The following BTRC variants were observed in gnomAD, a reference collection of about 807,000 sequenced individuals.
BTRC encodes beta-transducin repeat containing E3 ubiquitin protein ligase, also known as F-box/WD repeat-containing protein 1A.
Under a neutral mutation model 85.5 loss-of-function variants are expected in BTRC, and 42 were observed. That is an observed-to-expected ratio of 0.49 (90% CI 0.38 to 0.64). The LOEUF (loss-of-function observed/expected upper bound fraction) is 0.64. Ranked by LOEUF, BTRC falls within the 30% of genes least tolerant of loss-of-function variation. The pLI is 0.00. For synonymous variants in BTRC, 255 were observed against 263.3 expected, an observed-to-expected ratio of 0.97 and a Z score of 0.30; for missense variants, 594 against 743.5, an observed-to-expected ratio of 0.80 and a Z score of 2.34.
chr10:101,527,504 A>G (rs979683590), intron 6 of BTRC, among the ~76,000 whole-genome samples: 6 of 152,170 alleles, frequency 3.9e-5, no homozygotes, highest in African/African-American at 1.2e-4. Context: ...TGTAATCCCA[A>G]CAGTTTTGGA....
chr10:101,359,253 T>C (rs529213052), intron 1 of BTRC, among the ~76,000 whole-genome samples: 1 of 152,326 alleles, frequency 6.6e-6, no homozygotes, highest in East Asian at 1.9e-4. Context: ...ATCAGTGAAA[T>C]TGATTACCAG....
intron 1 of BTRC, among the ~76,000 whole-genome samples, chr10:101,418,184 T>A (rs1479446926): frequency 2.6e-5 from 4 of 152,028 alleles, no homozygotes; most frequent in African/African-American, 9.7e-5. Context: ...CTGGCCAATA[T>A]GGTGAAACTC....
At chr10:101,506,050 A>T (rs1189056841) in intron 4 of BTRC, among the ~76,000 whole-genome samples, 1 of 151,978 alleles carries the variant, frequency 6.6e-6, no homozygotes, top group African/African-American at 2.4e-5. Context: ...ATTAGCTGGG[A>T]CTACCGGTGC....
intron 4 of BTRC, among the ~76,000 whole-genome samples, chr10:101,512,884 G>C (rs1397654043): frequency 6.6e-6 from 1 of 152,148 alleles, no homozygotes; most frequent in African/African-American, 2.4e-5. Context: ...GTGCAGGGGT[G>C]GCAGAAATTT....
intron 4 of BTRC, among the ~76,000 whole-genome samples, chr10:101,504,742 C>T (rs1259000797): frequency 1.3e-5 from 2 of 151,100 alleles, no homozygotes; most frequent in Non-Finnish European, 2.9e-5. Flanking sequence ...CTCCTCTTTC[C>T]TCCCCTCCTT....
At chr10:101,515,469 A>C (rs1175033818) in intron 4 of BTRC, among the ~76,000 whole-genome samples, 1 of 151,916 alleles carries the variant, frequency 6.6e-6, no homozygotes, top group East Asian at 1.9e-4. Context: ...TTCCCTCAGC[A>C]ATGTTTTATA....
intron 1 of BTRC, among the ~76,000 whole-genome samples, chr10:101,359,091 C>A (rs980234791): frequency 6.7e-6 from 1 of 149,428 alleles, no homozygotes; most frequent in Admixed American, 6.6e-5. Context: ...TCCTGCGTGA[C>A]TTCCCTTAAT....
chr10:101,373,784 G>C (rs1291508989), intron 1 of BTRC, among the ~76,000 whole-genome samples: 1 of 152,080 alleles, frequency 6.6e-6, no homozygotes, highest in East Asian at 1.9e-4. Flanking sequence ...CAGGCATGGT[G>C]GTGGGCGCCT....
At chr10:101,524,244 T>A (rs1268934071) in intron 5 of BTRC, among the ~76,000 whole-genome samples, 1 of 152,196 alleles carries the variant, frequency 6.6e-6, no homozygotes, top group African/African-American at 2.4e-5. Context: ...TCTTTACTCA[T>A]TGGATTTTGT....
At chr10:101,499,882 TA>T (rs1392895053) in intron 4 of BTRC, among the ~76,000 whole-genome samples, 2 of 151,972 alleles carry the variant, frequency 1.3e-5, no homozygotes, top group African/African-American at 4.8e-5. Flanking sequence ...TTACAATAGC[TA>T]GTATGCCACC....
intron 9 of BTRC, 95 bp from the exon 10 acceptor site, chr10:101,534,562 CCTCT>C: frequency 6.8e-7 from 1 of 1,473,770 alleles, no homozygotes; most frequent in Non-Finnish European, 9.3e-7. Flanking sequence ...CCAGTCTGGC[CCTCT>C]CTCTAAATAT....
In BTRC at chr10:101,550,763, A is replaced by G. The variant is rs760470937; in HGVS notation, c.1721A>G (p.Asp574Gly). The G allele has an allele frequency of 6.2e-7, 1 of 1,613,950 alleles. No individual in the cohort carries two copies. The highest frequency in any genetic ancestry group is 8.5e-7 in the Non-Finnish European group (1 of 1,179,904). Reference sequence around the variant, plus strand: ...TTCCAGATTGTCAGTAGTTCACATGATGACACAATCCTCATCTGGGACTTC... The same window carrying G: ...TTCCAGATTGTCAGTAGTTCACATGGTGACACAATCCTCATCTGGGACTTC... ...DEFQIVSSSH[D>G]DTILIWDFLN... The change falls in exon 14 of 15, where the codon GAT becomes GGT. Residue 574 changes from aspartate (D) to glycine (G), a missense_variant. Asp to Gly is a moderately conservative substitution (Grantham distance 94, BLOSUM62 -1). Coordinates refer to ENST00000370187, the MANE Select transcript of BTRC (RefSeq NM_033637.4).
rs565479856 is a variant in BTRC, at chr10:101,374,746, A to G, written c.48+20518A>G. Among the ~76,000 whole-genome samples, 41 of 151,418 alleles carry G rather than the reference A, an allele frequency of 2.7e-4. No homozygotes were observed. In the South Asian group the frequency reaches 8.0e-3, roughly 30 times the overall value. ...ATGTATACATATGTATGTAACCTGC[A>G]CAATGTGCACATGTACCCTAAAACT... On this transcript the variant is annotated intron_variant, in intron 1 of 14. Transcript: ENST00000370187.
intron 4 of BTRC, among the ~76,000 whole-genome samples, chr10:101,516,906 C>T (rs191090154): frequency 1.4e-3 from 208 of 152,230 alleles, no homozygotes; most frequent in Middle Eastern, 0.01. Flanking sequence ...TCCATTTCCA[C>T]CTTTTAAAAG....
chr10:101,379,974 T>C (rs1942888683), intron 1 of BTRC, among the ~76,000 whole-genome samples: 1 of 152,218 alleles, frequency 6.6e-6, no homozygotes, highest in Non-Finnish European at 1.5e-5. Context: ...ATCAAAGCTT[T>C]GCAAAGTGAC....
chr10:101,555,599 A>T lies in BTRC; in HGVS notation c.*2476A>T, dbSNP rs1485517904. The T allele has an allele frequency of 1.3e-5, 2 of 152,650 alleles. No individual in the cohort carries two copies. The highest frequency in any genetic ancestry group is 4.8e-5 in the African/African-American group (2 of 41,466). The allele number at this position is 152,650 out of a possible 1,614,324, so 9.5% of individuals were successfully genotyped here. A position where few individuals can be genotyped will look rare whatever the true frequency, so the allele number is the denominator to read the frequency against. On this transcript the variant is annotated 3_prime_UTR_variant, in exon 15 of 15. Transcript: ENST00000370187. Reference sequence around the variant, plus strand: ...AGAAGAAATAATCAGGTAAGTTAAAAGTTCATTTCCAGAGAAGGTAAACCC... The same window carrying T: ...AGAAGAAATAATCAGGTAAGTTAAATGTTCATTTCCAGAGAAGGTAAACCC...
intron 4 of BTRC, among the ~76,000 whole-genome samples, chr10:101,480,234 T>C (rs1190899953): frequency 1.3e-5 from 2 of 152,232 alleles, no homozygotes; most frequent in East Asian, 3.8e-4. Context: ...TATTTTAGTT[T>C]AACCTATTTT....
At chr10:101,440,437 A>G (rs1944650495) in intron 2 of BTRC, among the ~76,000 whole-genome samples, 1 of 152,118 alleles carries the variant, frequency 6.6e-6, no homozygotes, top group South Asian at 2.1e-4. Flanking sequence ...AAGTTCCTCA[A>G]TGGCTGGGCA....
intron 1 of BTRC, among the ~76,000 whole-genome samples, chr10:101,357,094 A>G (rs1247042722): frequency 6.6e-6 from 1 of 150,442 alleles, no homozygotes; most frequent in Non-Finnish European, 1.5e-5. Context: ...GCGCCACTGC[A>G]CTCCAGCCTG....
Sources: gnomAD v4.1 joint callset for allele counts (sites outside exome capture counted in the v4.1 genomes callset) on GRCh38, gnomAD v4.1.1 for gene constraint, MANE v1.5 for transcripts, NCBI Gene and HGNC (gene_info 2026-07-23, HGNC 2026-07-21) for gene names.